Variants in ADAMTS9 observed in about 807,000 individuals in gnomAD.
ADAMTS9 encodes the protein A disintegrin and metalloproteinase with thrombospondin motifs 9.
A neutral mutation model predicts 257.1 loss-of-function variants in ADAMTS9; 107 were observed. The ratio of observed to expected loss-of-function variants is 0.42; its 90% CI spans 0.36 to 0.49. The LOEUF (loss-of-function observed/expected upper bound fraction) is 0.49. Ranked by LOEUF, ADAMTS9 falls within the 20% of genes least tolerant of loss-of-function variation. The probability of loss-of-function intolerance (pLI) is 0.03; values close to 1 mark genes in which losing one functional copy is unlikely to be tolerated. For synonymous variants in ADAMTS9, 982 were observed against 880.9 expected (o/e 1.11, Z -2.03); for missense variants, 2,353 against 2,469.1 (o/e 0.95, Z 1.00).
In ADAMTS9 at chr3:64,551,067, T is replaced by A; in HGVS notation, c.4699-5A>T. The A allele has an allele frequency of 2.5e-6, 4 of 1,613,898 alleles. No individual in the cohort carries two copies. The highest frequency in any genetic ancestry group is 3.4e-6 in the Non-Finnish European group (4 of 1,179,830). On this transcript the variant is annotated splice_region_variant and splice_polypyrimidine_tract_variant and intron_variant, in intron 30 of 39. Transcript: ENST00000498707. ...TTCGCCGCAGGTCTTGGTGCACTGT[T>A]AAATACAAGCAAAAGAGAAGAATAA...
At chr3:64,642,804 G>T (rs937856871) in intron 11 of ADAMTS9, among the ~76,000 whole-genome samples, 4 of 152,202 alleles carry the variant, frequency 2.6e-5, no homozygotes, top group African/African-American at 9.7e-5. Flanking sequence ...GATCTCTGAA[G>T]CGGAGCTGGT....
At chr3:64,579,268 C>T (rs1188603581) in intron 28 of ADAMTS9, among the ~76,000 whole-genome samples, 1 of 152,168 alleles carries the variant, frequency 6.6e-6, no homozygotes, top group Non-Finnish European at 1.5e-5. Flanking sequence ...ACCTGTAATA[C>T]TCTTCTCCCA....
At chr3:64,678,195 G>A (rs1701670146) in intron 3 of ADAMTS9, among the ~76,000 whole-genome samples, 1 of 152,160 alleles carries the variant, frequency 6.6e-6, no homozygotes, top group South Asian at 2.1e-4. Flanking sequence ...ACTCCTGGGA[G>A]GAAGCATCTT....
chr3:64,655,176 T>C (rs1701032980), intron 6 of ADAMTS9, among the ~76,000 whole-genome samples: 1 of 152,250 alleles, frequency 6.6e-6, no homozygotes, highest in African/African-American at 2.4e-5. Context: ...ATATACTACA[T>C]GGCAACGCCA....
At chr3:64,556,661 C>A (rs1359167933) in intron 30 of ADAMTS9, among the ~76,000 whole-genome samples, 2 of 152,122 alleles carry the variant, frequency 1.3e-5, no homozygotes, top group Non-Finnish European at 2.9e-5. Context: ...TGCCTTTATT[C>A]TATAGAGTGA....
At chr3:64,630,379 C>T (rs940131695) in intron 16 of ADAMTS9, among the ~76,000 whole-genome samples, 1 of 152,152 alleles carries the variant, frequency 6.6e-6, no homozygotes, top group Non-Finnish European at 1.5e-5. Context: ...GCCTGGGCAA[C>T]ATAGTGAGAC....
At position 64,587,046 on chromosome 3, in the gene ADAMTS9, A is replaced by G. The variant is rs536448462; in HGVS notation, c.4356+7212T>C. ...ACATGCTTTCTCCTTAACTGAACTT[A>G]TGGCCACGATGAACTTGAACTCTGA... On this transcript the variant is annotated intron_variant, in intron 28 of 39. Coordinates refer to ENST00000498707, the MANE Select transcript of ADAMTS9 (RefSeq NM_182920.2). The G allele has an allele frequency of 3.3e-5, 5 of 152,280 alleles. No homozygotes were observed. In the South Asian group the frequency reaches 8.3e-4, roughly 25 times the overall value. The allele number at this position is 152,280 out of a possible 1,614,324, so 9.4% of individuals were successfully genotyped here. A position where few individuals can be genotyped will look rare whatever the true frequency, so the allele number is the denominator to read the frequency against.
At chr3:64,632,383 A>T (rs576271087) in intron 14 of ADAMTS9, among the ~76,000 whole-genome samples, 34 of 152,314 alleles carry the variant, frequency 2.2e-4, no homozygotes, top group Admixed American at 1.7e-3. Context: ...TATTGCTGCC[A>T]TGAGGGAATG....
intron 3 of ADAMTS9, among the ~76,000 whole-genome samples, chr3:64,673,432 T>C (rs1006199238): frequency 6.6e-6 from 1 of 151,904 alleles, no homozygotes; most frequent in African/African-American, 2.4e-5. Flanking sequence ...AAGCAAAGAG[T>C]AGGGGCAATG....
intron 3 of ADAMTS9, among the ~76,000 whole-genome samples, chr3:64,660,219 A>G (rs1160978273): frequency 6.6e-6 from 1 of 152,234 alleles, no homozygotes; most frequent in East Asian, 1.9e-4. Flanking sequence ...CTTACCTAAC[A>G]CATAAGGAAT....
At chr3:64,568,816 G>A in intron 28 of ADAMTS9, 1 of 323,910 alleles carries the variant, frequency 3.1e-6, no homozygotes, top group Non-Finnish European at 5.6e-6. Flanking sequence ...TAAAGCTCAT[G>A]AACCTGAAAT....
chr3:64,633,481 G>T lies in ADAMTS9; in HGVS notation c.2166C>A (p.Gly722=). 1 of 1,613,942 alleles carries T rather than the reference G, an allele frequency of 6.2e-7. No homozygotes were observed. Among genetic ancestry groups the T allele is most frequent in the Non-Finnish European group, 8.5e-7 (1 of 1,179,940 alleles). Residue 722 remains glycine (G), a synonymous_variant, in exon 14 of 40, where the codon GGC becomes GGA. Transcript: ENST00000498707. The part of the protein sequence containing the change: ...GQDTNDICVQ[G]LCRQAGCDHV... ...ACCATCAAGGACTTACCCGGCAAAG[G>T]CCCTGGACACAGATATCATTTGTGT...
intron 10 of ADAMTS9, among the ~76,000 whole-genome samples, chr3:64,649,391 G>C (rs948140881): frequency 6.6e-6 from 1 of 152,172 alleles, no homozygotes; most frequent in Non-Finnish European, 1.5e-5. Flanking sequence ...AAATGAAAGT[G>C]ATGATGGCAT....
rs1312213138 is a variant in ADAMTS9 at position 64,585,108 on chromosome 3, T to C, written c.4356+9150A>G. On this transcript the variant is annotated intron_variant, in intron 28 of 39. Coordinates refer to ENST00000498707, the MANE Select transcript of ADAMTS9 (RefSeq NM_182920.2). ...TGAGAGAGGCACCCAGTTTGAACTG[T>C]GGGTTTCATTAGGCAGAAGGAAATT... is the stretch of plus-strand genomic sequence containing the variant. Among the ~76,000 whole-genome samples, 10 of 152,096 alleles carry C rather than the reference T, an allele frequency of 6.6e-5. No homozygotes were observed. In the East Asian group the frequency reaches 7.7e-4, roughly 12 times the overall value.
chr3:64,647,046 G>A (rs1002535188), intron 11 of ADAMTS9, among the ~76,000 whole-genome samples: 1 of 152,016 alleles, frequency 6.6e-6, no homozygotes, highest in Non-Finnish European at 1.5e-5. Flanking sequence ...AAGGAAATGA[G>A]ATGAGAATAA....
chr3:64,531,793 C>G (rs1313214354), intron 38 of ADAMTS9, among the ~76,000 whole-genome samples: 1 of 152,146 alleles, frequency 6.6e-6, no homozygotes, highest in East Asian at 1.9e-4. Flanking sequence ...CCCTACTTTC[C>G]CAGCTCTCTT....
intron 3 of ADAMTS9, among the ~76,000 whole-genome samples, chr3:64,660,536 A>T (rs1217174439): frequency 6.6e-6 from 1 of 152,202 alleles, no homozygotes; most frequent in Non-Finnish European, 1.5e-5. Context: ...CATTCTGAGC[A>T]GTGTGATGGA....
At chr3:64,638,435 T>A (rs1200451879) in intron 12 of ADAMTS9, among the ~76,000 whole-genome samples, 1 of 152,168 alleles carries the variant, frequency 6.6e-6, no homozygotes, top group African/African-American at 2.4e-5. Flanking sequence ...TACACACGTC[T>A]TATAGGCTGG....
intron 28 of ADAMTS9, chr3:64,587,238 G>C (rs772851138): frequency 1.9e-4 from 29 of 152,184 alleles, no homozygotes; most frequent in Non-Finnish European, 4.0e-4. Context: ...ACAAAGGCAC[G>C]AAACACAAGA....
Sources: allele counts gnomAD v4.1 joint callset (sites outside exome capture counted in the v4.1 genomes callset), GRCh38; gene constraint gnomAD v4.1.1; transcripts MANE v1.5; gene names NCBI Gene and HGNC (gene_info 2026-07-23, HGNC 2026-07-21).